The following TRAPPC9 variants were observed in gnomAD, a reference collection of about 807,000 sequenced individuals.
TRAPPC9 encodes the protein IKK2 binding protein.
In TRAPPC9, 83 loss-of-function variants were observed where a neutral mutation model predicts 124.0. The ratio of observed to expected loss-of-function variants is 0.67; its 90% CI spans 0.56 to 0.80. The LOEUF is 0.80. Ranked by LOEUF, TRAPPC9 falls within the 30% of genes least tolerant of loss-of-function variation. The pLI is 0.00. For synonymous variants in TRAPPC9, 638 were observed against 617.5 expected (o/e 1.03, Z -0.49); for missense variants, 1,302 against 1,508.3 (o/e 0.86, Z 2.27).
chr8:139,818,974 C>T (rs189405074), intron 21 of TRAPPC9, among the ~76,000 whole-genome samples: 2 of 152,346 alleles, frequency 1.3e-5, no homozygotes, highest in East Asian at 1.9e-4. Context: ...GGTCCCCAAC[C>T]CCCTGGCCAC....
intron 9 of TRAPPC9, among the ~76,000 whole-genome samples, chr8:140,345,930 G>A (rs2067336593): frequency 6.6e-6 from 1 of 152,224 alleles, no homozygotes. Context: ...TGTGGCCACC[G>A]TGGACATCCG....
intron 21 of TRAPPC9, among the ~76,000 whole-genome samples, chr8:139,852,680 C>G (rs754422239): frequency 5.3e-5 from 8 of 152,216 alleles, no homozygotes; most frequent in Non-Finnish European, 1.0e-4. Context: ...TCGGGCAGCA[C>G]AAACCAAAGA....
intron 17 of TRAPPC9, among the ~76,000 whole-genome samples, chr8:140,179,993 A>ATTTTTTTTTTTTTTTTTTTTT (rs71520259): frequency 5.6e-5 from 5 of 90,032 alleles, no homozygotes; most frequent in East Asian, 4.8e-4. Flanking sequence ...TTATATCTTG[A>ATTTTTTTTTTTTTTTTTTTTT]TTTTTTTTTT....
chr8:139,908,016 G>C (rs560827015), intron 20 of TRAPPC9, among the ~76,000 whole-genome samples: 1 of 152,176 alleles, frequency 6.6e-6, no homozygotes, highest in African/African-American at 2.4e-5. Flanking sequence ...AGGGTGACGT[G>C]GCCCAGGGCA....
intron 20 of TRAPPC9, among the ~76,000 whole-genome samples, chr8:139,908,332 T>A (rs1383637802): frequency 6.6e-6 from 1 of 152,192 alleles, no homozygotes; most frequent in East Asian, 1.9e-4. Flanking sequence ...TTGCTCTGCA[T>A]GGGGCGCCCG....
At chr8:140,457,978 C>G (rs2132758645), upstream of TRAPPC9, among the ~76,000 whole-genome samples, 1 of 73,020 alleles carries the variant, frequency 1.4e-5, no homozygotes, top group African/African-American at 5.9e-5. Context: ...GGAGGAGGAG[C>G]GAGGGAGAGA....
chr8:140,439,100 T>C lies in TRAPPC9; in HGVS notation c.682A>G (p.Met228Val), dbSNP rs919566152. ...MLQDSLVHYH[M>V]SVELLRSVND... ...ACAGAACGCAGCAGCTCCACCGACA[T>C]GTGGTAATGCACCAGGGAGTCCTGC... The change falls in exon 3 of 23, where the codon ATG becomes GTG. Residue 228 changes from methionine to valine, a missense_variant. Physicochemically the swap from Met to Val is conservative, Grantham distance 21. Around this residue, in one of 3 missense-constraint regions of TRAPPC9, gnomAD observed 657 missense variants for 811.2 expected, o/e 0.81. Coordinates refer to ENST00000438773, the MANE Select transcript of TRAPPC9 (RefSeq NM_001160372.4). 1.9e-6 allele frequency: 3 copies of C among 1,614,090 alleles called. No individual in the cohort carries two copies. The highest frequency in any genetic ancestry group is 2.5e-6 in the Non-Finnish European group (3 of 1,180,052).
At chr8:139,759,569 C>A (rs887186608) in intron 21 of TRAPPC9, among the ~76,000 whole-genome samples, 1 of 152,134 alleles carries the variant, frequency 6.6e-6, no homozygotes, top group South Asian at 2.1e-4. Flanking sequence ...AGGGCTACAG[C>A]GGTTCCTCTG....
chr8:140,445,709 A>G (rs1341125514), intron 2 of TRAPPC9, among the ~76,000 whole-genome samples: 1 of 152,250 alleles, frequency 6.6e-6, no homozygotes, highest in Non-Finnish European at 1.5e-5. Flanking sequence ...CCACCACCCT[A>G]GAATGTGATG....
intron 14 of TRAPPC9, among the ~76,000 whole-genome samples, chr8:140,282,257 C>T (rs2065345905): frequency 6.6e-6 from 1 of 152,150 alleles, no homozygotes; most frequent in African/African-American, 2.4e-5. Context: ...AATCCCAGCA[C>T]TTTGGGAGGC....
intron 17 of TRAPPC9, among the ~76,000 whole-genome samples, chr8:140,054,835 C>G (rs964228514): frequency 5.3e-5 from 8 of 151,812 alleles, no homozygotes; most frequent in Non-Finnish European, 1.2e-4. Context: ...CAAAACCTAC[C>G]AAGACTGAAT....
intron 21 of TRAPPC9, among the ~76,000 whole-genome samples, chr8:139,770,894 G>C (rs1820910250): frequency 1.3e-5 from 2 of 152,178 alleles, no homozygotes; most frequent in Admixed American, 6.5e-5. Flanking sequence ...CCCTGCCCGG[G>C]CCTGGCGGGC....
intron 21 of TRAPPC9, among the ~76,000 whole-genome samples, chr8:139,877,467 C>T (rs999176851): frequency 3.3e-5 from 5 of 152,180 alleles, no homozygotes; most frequent in African/African-American, 1.2e-4. Flanking sequence ...TGGGCTGAGA[C>T]GGAGGGGTCT....
At chr8:140,183,027 GAA>G (rs58178875) in intron 17 of TRAPPC9, among the ~76,000 whole-genome samples, 13 of 144,338 alleles carry the variant, frequency 9.0e-5, no homozygotes, top group African/African-American at 2.5e-4. Flanking sequence ...CATTATTGGG[GAA>G]AAAAAAAAAA....
At position 139,728,313 on chromosome 8, in the gene TRAPPC9, A is replaced by T. The variant is rs1195597730; in HGVS notation, c.*2748T>A. Among the ~76,000 whole-genome samples the T allele has an allele frequency of 6.6e-6, 1 of 152,208 alleles. No individual in the cohort carries two copies. The highest frequency in any genetic ancestry group is 1.9e-4 in the East Asian group (1 of 5,200). On this transcript the variant is annotated 3_prime_UTR_variant, in exon 23 of 23. Coordinates refer to ENST00000438773, the MANE Select transcript of TRAPPC9 (RefSeq NM_001160372.4). ...GAGGGACCAAGGATCAGAAGGGCAG[A>T]ACCAACTCGCTCAGCTAGTGAAGTG...
chr8:140,265,347 C>A (rs1472863539), intron 15 of TRAPPC9, among the ~76,000 whole-genome samples: 3 of 152,210 alleles, frequency 2.0e-5, no homozygotes, highest in African/African-American at 7.2e-5. Context: ...ATTCAAATAA[C>A]AAGCAAATCC....
At chr8:140,343,762 G>A (rs893170755) in intron 9 of TRAPPC9, among the ~76,000 whole-genome samples, 1 of 152,212 alleles carries the variant, frequency 6.6e-6, no homozygotes, top group African/African-American at 2.4e-5. Flanking sequence ...TCCTGGACCA[G>A]GGATTCTGAC....
chr8:140,033,686 T>TTTTG (rs1563706988), intron 17 of TRAPPC9, among the ~76,000 whole-genome samples: 6 of 117,988 alleles, frequency 5.1e-5, no homozygotes, highest in South Asian at 3.0e-4. Context: ...TTTTTTTTTT[T>TTTTG]TTTTTTTTTT....
intron 21 of TRAPPC9, among the ~76,000 whole-genome samples, chr8:139,871,554 T>C (rs1828901031): frequency 6.6e-6 from 1 of 152,266 alleles, no homozygotes; most frequent in Non-Finnish European, 1.5e-5. Flanking sequence ...TTTCCTGGAA[T>C]CTGAATCAAA....
Sources: allele counts gnomAD v4.1 joint callset (sites outside exome capture counted in the v4.1 genomes callset), GRCh38; gene constraint gnomAD v4.1.1; regional missense constraint gnomAD v4.1.1; transcripts MANE v1.5; gene names NCBI Gene and HGNC (gene_info 2026-07-23, HGNC 2026-07-21).